Variants in SAMD12 observed in about 807,000 individuals in gnomAD.
The protein encoded by SAMD12 is sterile alpha motif domain containing 12, also known as sterile alpha motif domain-containing protein 12.
In SAMD12, 9 loss-of-function variants were observed where a neutral mutation model predicts 15.0. The observed-to-expected ratio is 0.60, with a 90% confidence interval of 0.36 to 1.05. The LOEUF (loss-of-function observed/expected upper bound fraction) is 1.05. SAMD12 is among the 50% of genes least tolerant of loss of function. The pLI is 0.01. For synonymous variants in SAMD12, 86 were observed against 90.1 expected, an observed-to-expected ratio of 0.96 and a Z score of 0.25; for missense variants, 230 against 234.2, an observed-to-expected ratio of 0.98 and a Z score of 0.12.
Position 118,264,936 on chromosome 8 carries a change from T to G in SAMD12, c.434-67204A>C, listed in dbSNP as rs575329966. The stretch of plus-strand genomic sequence containing the variant: ...ATGGTGACTGCGAGTTCTCTTATCC[T>G]GCGAAGGGCAGGGCTCAGGTAATGT... On this transcript the variant is annotated intron_variant, in intron 4 of 4. Coordinates refer to the SAMD12 transcript ENST00000409003. Among the ~76,000 whole-genome samples, 3 of 152,274 alleles carry G rather than the reference T, an allele frequency of 2.0e-5. No individual in the cohort carries two copies. The East Asian group carries it at 5.8e-4, about 29-fold the overall frequency.
At chr8:118,240,095 G>C (rs183173005) in intron 4 of SAMD12, 101 of 152,150 alleles carry the variant, frequency 6.6e-4, no homozygotes, top group African/African-American at 2.3e-3. Flanking sequence ...ATCCCTGTAG[G>C]GTATCTTTAT....
chr8:118,379,197 T>C lies in SAMD12; in HGVS notation c.*220A>G. 1 of 1,338,352 alleles carries C rather than the reference T, an allele frequency of 7.5e-7. No homozygotes were observed. Among genetic ancestry groups the C allele is most frequent in the Non-Finnish European group, 9.6e-7 (1 of 1,044,602 alleles). 82.9% of individuals were successfully genotyped at this position (1,338,352 alleles called of 1,614,324 possible). ...CAGGTGAAGATAGCTACAGCTGGAC[T>C]GTACAGTTGTGCAGGCTGCACATTA... On this transcript the variant is annotated 3_prime_UTR_variant, in exon 4 of 4. Transcript: ENST00000314727.
intron 4 of SAMD12, among the ~76,000 whole-genome samples, chr8:118,310,972 T>A (rs1586494551): frequency 6.6e-6 from 1 of 152,206 alleles, no homozygotes; most frequent in African/African-American, 2.4e-5. Context: ...TTTTAATGCA[T>A]GTTTATAGGA....
intron 3 of SAMD12, among the ~76,000 whole-genome samples, chr8:118,423,348 G>A (rs1822096748): frequency 6.6e-6 from 1 of 152,180 alleles, no homozygotes; most frequent in Admixed American, 6.5e-5. Context: ...GGGTGAAGTG[G>A]CAGGGTCTGA....
intron 3 of SAMD12, among the ~76,000 whole-genome samples, chr8:118,407,591 T>C (rs1293952546): frequency 6.6e-6 from 1 of 152,128 alleles, no homozygotes; most frequent in Admixed American, 6.5e-5. Context: ...TGCCTCAGCC[T>C]TTATTTATTT....
chr8:118,454,012 C>A (rs1162375212), intron 2 of SAMD12, among the ~76,000 whole-genome samples: 3 of 152,158 alleles, frequency 2.0e-5, no homozygotes. Context: ...ACATATTTTC[C>A]TCCATTGCTG....
chr8:118,369,938 C>A lies in SAMD12; in HGVS notation c.433+9622G>T, dbSNP rs115201997. ...TGACAAATGGGATCTAATTAAAGAG[C>A]TCTGTACAGCAAAATAAACTATCAT... On this transcript the variant is annotated intron_variant, in intron 4 of 4. Transcript: ENST00000409003. Among the ~76,000 whole-genome samples, 654 of 152,110 alleles carry A rather than the reference C, an allele frequency of 4.3e-3. 9 individuals are homozygous for A. Among genetic ancestry groups the A allele is most frequent in the African/African-American group, 0.015 (640 of 41,524 alleles).
chr8:118,477,821 G>A (rs1824001992), intron 2 of SAMD12, among the ~76,000 whole-genome samples: 1 of 151,938 alleles, frequency 6.6e-6, no homozygotes, highest in South Asian at 2.1e-4. Flanking sequence ...AGACCATCCT[G>A]GCTAACACGG....
chr8:118,293,336 ACT>A (rs1456936761), intron 4 of SAMD12, among the ~76,000 whole-genome samples: 1 of 152,182 alleles, frequency 6.6e-6, no homozygotes, highest in Non-Finnish European at 1.5e-5. Flanking sequence ...AATACAACCA[ACT>A]CTGATGATTC....
intron 4 of SAMD12, among the ~76,000 whole-genome samples, chr8:118,352,440 G>A (rs1818002639): frequency 6.6e-6 from 1 of 152,074 alleles, no homozygotes; most frequent in Non-Finnish European, 1.5e-5. Flanking sequence ...ACACACAACT[G>A]GCTATGCTTA....
intron 2 of SAMD12, among the ~76,000 whole-genome samples, chr8:118,499,166 T>C (rs879882547): frequency 1.3e-5 from 2 of 152,222 alleles, no homozygotes; most frequent in Non-Finnish European, 2.9e-5. Context: ...AGGCTCATCC[T>C]AACATGGGCT....
At chr8:118,263,176 C>CA (rs1813119529) in intron 4 of SAMD12, among the ~76,000 whole-genome samples, 1 of 151,976 alleles carries the variant, frequency 6.6e-6, no homozygotes, top group African/African-American at 2.4e-5. Context: ...TTCCTGTTTG[C>CA]AAAATGTCTC....
chr8:118,192,596 C>A (rs147524104), exon 5 of SAMD12: 1 of 151,736 alleles, frequency 6.6e-6, no homozygotes, highest in African/African-American at 2.4e-5. Flanking sequence ...GTTTGGAAAA[C>A]AACAACGCAA....
chr8:118,293,535 G>A (rs1351414858), intron 4 of SAMD12, among the ~76,000 whole-genome samples: 1 of 152,120 alleles, frequency 6.6e-6, no homozygotes, highest in Non-Finnish European at 1.5e-5. Context: ...AAAAATACAT[G>A]GTTTTCCTCA....
intron 4 of SAMD12, among the ~76,000 whole-genome samples, chr8:118,262,547 T>C (rs1813103581): frequency 6.6e-6 from 1 of 152,040 alleles, no homozygotes; most frequent in Non-Finnish European, 1.5e-5. Flanking sequence ...ATCTGAAGTC[T>C]AAATAAAGGC....
chr8:118,218,018 C>T lies in SAMD12; in HGVS notation c.434-20286G>A, dbSNP rs150856872. 3.5e-3 allele frequency among the ~76,000 whole-genome samples: 533 copies of T among 152,276 alleles called. 2 individuals are homozygous for T. The highest frequency in any genetic ancestry group is 0.011 in the African/African-American group (471 of 41,568). Reference sequence around the variant, plus strand: ...TGCTTGGTCACATGTGGTCCTACTGCACCTGACTAGCATGCAGCTCACACC... The same window carrying T: ...TGCTTGGTCACATGTGGTCCTACTGTACCTGACTAGCATGCAGCTCACACC... On this transcript the variant is annotated intron_variant, in intron 4 of 4. Coordinates refer to the SAMD12 transcript ENST00000409003.
At chr8:118,605,156 G>C (rs1451161460) in intron 1 of SAMD12, among the ~76,000 whole-genome samples, 2 of 152,072 alleles carry the variant, frequency 1.3e-5, no homozygotes, top group Non-Finnish European at 2.9e-5. Context: ...TAAGTCTCTA[G>C]CCTTGACAAC....
At chr8:118,196,895 A>G (rs1040180769) in exon 5 of SAMD12, 3 of 152,144 alleles carry the variant, frequency 2.0e-5, no homozygotes, top group Admixed American at 1.3e-4. Flanking sequence ...GTGAACAAAG[A>G]AGCAAGCTAA....
intron 2 of SAMD12, among the ~76,000 whole-genome samples, chr8:118,552,980 T>C (rs1394122378): frequency 6.6e-6 from 1 of 152,098 alleles, no homozygotes; most frequent in East Asian, 1.9e-4. Flanking sequence ...ACAAGGGACA[T>C]GAAGGACCTC....
Sources: gnomAD v4.1 joint callset for allele counts (sites outside exome capture counted in the v4.1 genomes callset) on GRCh38, gnomAD v4.1.1 for gene constraint, MANE v1.5 for transcripts, NCBI Gene and HGNC (gene_info 2026-07-23, HGNC 2026-07-21) for gene names.